The following POC1B variants were observed in gnomAD, a reference collection of about 807,000 sequenced individuals.
POC1B encodes POC1 centriolar protein homolog B.
POC1B carries 44 observed loss-of-function variants against 60.6 expected under a neutral mutation model. That is an observed-to-expected ratio of 0.73 (90% CI 0.57 to 0.93). POC1B has a LOEUF of 0.93. Among genes scored for constraint, POC1B ranks in the 40% least tolerant of loss-of-function variants. The pLI is 0.00. For missense variants in POC1B, 555 were observed against 572.3 expected (o/e 0.97, Z 0.31); for synonymous variants, 180 against 198.9 (o/e 0.90, Z 0.80).
At chr12:89,525,692 G>A in intron 1 of POC1B, 189 bp downstream of exon 1, 3 of 1,253,302 alleles carry the variant, frequency 2.4e-6, no homozygotes, top group East Asian at 5.9e-5. Context: ...AGCCGGGTCT[G>A]GGTTCCGCAC....
intron 10 of POC1B, among the ~76,000 whole-genome samples, chr12:89,430,175 A>T (rs1880969724): frequency 6.6e-6 from 1 of 152,150 alleles, no homozygotes; most frequent in African/African-American, 2.4e-5. Flanking sequence ...GGTCAAAAGG[A>T]CTCACTTTTC....
chr12:89,445,693 A>C (rs1454892065), intron 10 of POC1B, among the ~76,000 whole-genome samples: 2 of 152,210 alleles, frequency 1.3e-5, no homozygotes, highest in Non-Finnish European at 2.9e-5. Flanking sequence ...GGACATAGGC[A>C]TGGGCAAGGA....
At chr12:89,476,759 T>TAGACAGACAGAC (rs1167476204) in intron 4 of POC1B, among the ~76,000 whole-genome samples, 22 of 58,618 alleles carry the variant, frequency 3.8e-4, no homozygotes, top group East Asian at 3.1e-3. Context: ...GATAGATAGA[T>TAGACAGACAGAC]AGACAGACAG....
intron 2 of POC1B, among the ~76,000 whole-genome samples, chr12:89,503,239 C>G (rs1388454755): frequency 1.3e-5 from 2 of 148,508 alleles, no homozygotes; most frequent in African/African-American, 4.9e-5. Context: ...CTCAGCCTGC[C>G]GAGTGCCTGC....
chr12:89,403,903 C>A, the POC1B span, among the ~76,000 whole-genome samples: 1 of 152,098 alleles, frequency 6.6e-6, no homozygotes, highest in Non-Finnish European at 1.5e-5. Flanking sequence ...GAGGCCCAGG[C>A]GGGAGGATCA....
At chr12:89,457,561 A>G (rs1437575067) in intron 10 of POC1B, among the ~76,000 whole-genome samples, 2 of 152,220 alleles carry the variant, frequency 1.3e-5, no homozygotes, top group African/African-American at 4.8e-5. Flanking sequence ...GTTTATTAGC[A>G]TAATCTCAAA....
intron 2 of POC1B, chr12:89,523,678 T>C: frequency 6.5e-7 from 1 of 1,539,724 alleles, no homozygotes; most frequent in South Asian, 1.3e-5. Context: ...CCTTTCCTGT[T>C]TGGGGACAGA....
intron 10 of POC1B, among the ~76,000 whole-genome samples, chr12:89,452,143 T>A (rs1408889228): frequency 6.6e-6 from 1 of 152,144 alleles, no homozygotes; most frequent in Non-Finnish European, 1.5e-5. Flanking sequence ...GGCTGAGAGC[T>A]GTCGGGCATT....
intron 4 of POC1B, among the ~76,000 whole-genome samples, chr12:89,479,615 A>G (rs1220102223): frequency 6.6e-6 from 1 of 152,142 alleles, no homozygotes; most frequent in Non-Finnish European, 1.5e-5. Context: ...GAAACTACCT[A>G]TTCACCTCCT....
intron 9 of POC1B, among the ~76,000 whole-genome samples, chr12:89,463,111 T>C (rs1035876112): frequency 1.3e-5 from 2 of 152,308 alleles, no homozygotes; most frequent in Admixed American, 1.3e-4. Context: ...TCACAAAATA[T>C]TATTATATAA....
chr12:89,513,251 A>G (rs1199902116), intron 2 of POC1B, among the ~76,000 whole-genome samples: 1 of 12,066 alleles, frequency 8.3e-5, no homozygotes, highest in African/African-American at 3.2e-4. Flanking sequence ...CAAGAATTTG[A>G]AAAAAAAAAA....
chr12:89,524,773 C>G (rs923052363), intron 2 of POC1B: 19 of 628,502 alleles, frequency 3.0e-5, no homozygotes, highest in Non-Finnish European at 5.0e-5. Context: ...TCCTCCTGCT[C>G]GGCTCACAAC....
chr12:89,440,763 T>G (rs1238932333), intron 10 of POC1B, among the ~76,000 whole-genome samples: 1 of 152,168 alleles, frequency 6.6e-6, no homozygotes, highest in Non-Finnish European at 1.5e-5. Flanking sequence ...TTCATTTCAC[T>G]GGGGCTTGTC....
At chr12:89,444,984 C>T (rs1308644109) in intron 10 of POC1B, among the ~76,000 whole-genome samples, 1 of 152,120 alleles carries the variant, frequency 6.6e-6, no homozygotes, top group Non-Finnish European at 1.5e-5. Context: ...AGAGCCAAAT[C>T]ATGAGTGAAT....
At chr12:89,479,373 A>T (rs1304288610) in intron 4 of POC1B, among the ~76,000 whole-genome samples, 1 of 152,196 alleles carries the variant, frequency 6.6e-6, no homozygotes, top group Non-Finnish European at 1.5e-5. Flanking sequence ...TGAAAGCACC[A>T]CCTTTGAATA....
chr12:89,472,989 A>G (rs1461063033), intron 4 of POC1B, among the ~76,000 whole-genome samples: 2 of 152,278 alleles, frequency 1.3e-5, no homozygotes, highest in East Asian at 1.9e-4. Flanking sequence ...TTCTTTTTTT[A>G]TTGTTTGGCC....
Position 89,421,013 on chromosome 12 carries a change from G to T in POC1B, c.*140C>A, listed in dbSNP as rs549202000. The T allele has an allele frequency of 3.4e-6, 2 of 589,960 alleles. No homozygotes were observed. The highest frequency in any genetic ancestry group is 2.8e-5 in the East Asian group (1 of 35,650). The allele number at this position is 589,960 out of a possible 1,614,324, so 36.5% of individuals were successfully genotyped here. A position where few individuals can be genotyped will look rare whatever the true frequency, so the allele number is the denominator to read the frequency against. ...GTATGCCTTTTCTGCCTTTTGTTCT[G>T]TTGCTCACCCTTTTAAGAAATGCCA... is the stretch of plus-strand genomic sequence containing the variant. On this transcript the variant is annotated 3_prime_UTR_variant, in exon 12 of 12. Coordinates refer to ENST00000313546, the MANE Select transcript of POC1B (RefSeq NM_172240.3).
intron 10 of POC1B, chr12:89,426,265 TAC>T (rs1349595700): frequency 6.6e-6 from 1 of 152,086 alleles, no homozygotes; most frequent in Non-Finnish European, 1.5e-5. Context: ...GCTCAATGAG[TAC>T]AGAGTTTCTA....
At position 89,476,631 on chromosome 12, in the gene POC1B, G is replaced by A. The variant is rs192911177; in HGVS notation, c.453-4356C>T. On this transcript the variant is annotated intron_variant, in intron 4 of 11. Transcript: ENST00000313546. ...GCTAAGGCAAGAGAATCAGGGAGGC[G>A]GAGGCTGCAGTGAGCCAAGATCGCA... 1.5e-4 allele frequency among the ~76,000 whole-genome samples: 23 copies of A among 152,058 alleles called. No individual in the cohort carries two copies. In the East Asian group the frequency reaches 4.3e-3, roughly 28 times the overall value.
Sources: allele counts gnomAD v4.1 joint callset (sites outside exome capture counted in the v4.1 genomes callset), GRCh38; gene constraint gnomAD v4.1.1; transcripts MANE v1.5; gene names NCBI Gene and HGNC (gene_info 2026-07-23, HGNC 2026-07-21).